THRB: variants seen among roughly 807,000 people sequenced by gnomAD.
THRB encodes nuclear receptor subfamily 1 group A member 2.
THRB carries 12 observed loss-of-function variants against 47.8 expected under a neutral mutation model. That is an observed-to-expected ratio of 0.25 (90% CI 0.16 to 0.41). The LOEUF (loss-of-function observed/expected upper bound fraction) is 0.41. Ranked by LOEUF, THRB falls within the 10% of genes least tolerant of loss-of-function variation. THRB has a pLI of 1.00. For synonymous variants in THRB, 218 were observed against 212.2 expected (o/e 1.03, Z -0.24); for missense variants, 348 against 589.2 (o/e 0.59, Z 4.24).
At chr3:24,427,344 T>C (rs1313255482) in intron 1 of THRB, among the ~76,000 whole-genome samples, 1 of 152,014 alleles carries the variant, frequency 6.6e-6, no homozygotes, top group Non-Finnish European at 1.5e-5. Context: ...TTCCTCTCTT[T>C]TTAACTGAAT....
chr3:24,173,172 A>T (rs888635618), intron 5 of THRB, among the ~76,000 whole-genome samples: 6 of 152,108 alleles, frequency 3.9e-5, no homozygotes, highest in African/African-American at 1.4e-4. Flanking sequence ...CCTCCAGGGG[A>T]TTCTGATACT....
At chr3:24,446,562 A>G (rs2072101135) in intron 1 of THRB, among the ~76,000 whole-genome samples, 1 of 36,054 alleles carries the variant, frequency 2.8e-5, no homozygotes, top group African/African-American at 6.2e-5. Context: ...ATCTTTCTCA[A>G]AAAAAAAAAA....
At position 24,147,523 on chromosome 3, in the gene THRB, C is replaced by T. The variant is rs56917191; in HGVS notation, c.385-701G>A. Among the ~76,000 whole-genome samples the T allele has an allele frequency of 3.3e-3, 502 of 152,316 alleles. 2 individuals carry two copies. Among genetic ancestry groups the T allele is most frequent in the African/African-American group, 0.011 (478 of 41,566 alleles). On this transcript the variant is annotated intron_variant, in intron 6 of 10. Transcript: ENST00000646209. Reference sequence around the variant, plus strand: ...TTTGGTATCTGTAGACATACACCTACAGGTTCAATGATTCTTCCTTTCTTA... The same window carrying T: ...TTTGGTATCTGTAGACATACACCTATAGGTTCAATGATTCTTCCTTTCTTA...
In THRB at chr3:24,127,605, A is replaced by C. The variant is rs772161412; in HGVS notation, c.1038T>G (p.Leu346=). 6.2e-7 allele frequency: 1 copy of C among 1,614,118 alleles called. No homozygotes were observed. The highest frequency in any genetic ancestry group is 1.1e-5 in the South Asian group (1 of 91,070). The change falls in exon 10 of 11, where the codon CTT becomes CTG. Residue 346 remains leucine, a synonymous_variant. Transcript: ENST00000646209. The part of the protein sequence containing the change: ...VTRGQLKNGG[L]GVVSDAIFDL... ...CAAAGATGGCGTCTGACACCACCCCAAGACCCCCATTTTTCAGCTGGCCCC... is the reference window on the plus strand; with the variant it reads ...CAAAGATGGCGTCTGACACCACCCCCAGACCCCCATTTTTCAGCTGGCCCC...
At chr3:24,162,291 G>C (rs1486819453) in intron 5 of THRB, among the ~76,000 whole-genome samples, 1 of 151,928 alleles carries the variant, frequency 6.6e-6, no homozygotes, top group African/African-American at 2.4e-5. Flanking sequence ...TCCTCCATCT[G>C]ATTCCAAACT....
At chr3:24,478,950 A>AG (rs1695920716) in intron 1 of THRB, among the ~76,000 whole-genome samples, 1 of 152,156 alleles carries the variant, frequency 6.6e-6, no homozygotes, top group African/African-American at 2.4e-5. Context: ...GGCAGGGGAT[A>AG]GGGGGAGCAG....
At chr3:24,153,594 C>T (rs1267592223) in intron 5 of THRB, among the ~76,000 whole-genome samples, 2 of 152,150 alleles carry the variant, frequency 1.3e-5, no homozygotes, top group African/African-American at 4.8e-5. Context: ...AGCACAAAAG[C>T]AGAAGCCTCC....
At chr3:24,361,828 C>T (rs1240080224) in intron 1 of THRB, among the ~76,000 whole-genome samples, 1 of 152,058 alleles carries the variant, frequency 6.6e-6, no homozygotes, top group African/African-American at 2.4e-5. Flanking sequence ...GTGAAATATA[C>T]CACATGTTGA....
At chr3:24,308,625 A>C (rs1405515390) in intron 2 of THRB, among the ~76,000 whole-genome samples, 1 of 152,202 alleles carries the variant, frequency 6.6e-6, no homozygotes, top group African/African-American at 2.4e-5. Context: ...GGTAGATTGC[A>C]ATCTTTGGTC....
chr3:24,326,754 G>GTTTTTT (rs1300726453), intron 2 of THRB, among the ~76,000 whole-genome samples: 2 of 58,966 alleles, frequency 3.4e-5, no homozygotes, highest in Admixed American at 2.3e-4. Context: ...GTCCAGTCTT[G>GTTTTTT]TCTTTTTTTT....
intron 4 of THRB, among the ~76,000 whole-genome samples, chr3:24,219,771 G>A (rs1052552000): frequency 3.3e-5 from 5 of 152,216 alleles, no homozygotes; most frequent in Non-Finnish European, 1.5e-5. Flanking sequence ...ATCACCTGGA[G>A]AGCTAATTAG....
At chr3:24,275,047 A>T (rs550133842) in intron 3 of THRB, among the ~76,000 whole-genome samples, 1 of 152,354 alleles carries the variant, frequency 6.6e-6, no homozygotes, top group South Asian at 2.1e-4. Flanking sequence ...CAAAGAAGCA[A>T]GTAAGCTTAG....
intron 4 of THRB, among the ~76,000 whole-genome samples, chr3:24,197,820 C>T (rs935602504): frequency 1.3e-5 from 2 of 152,224 alleles, no homozygotes; most frequent in Admixed American, 1.3e-4. Context: ...TGTAGCATAG[C>T]CTTAGACAAG....
intron 1 of THRB, among the ~76,000 whole-genome samples, chr3:24,341,591 C>T (rs2062658972): frequency 6.6e-6 from 1 of 152,080 alleles, no homozygotes; most frequent in Non-Finnish European, 1.5e-5. Flanking sequence ...CAATACTTTA[C>T]CCCTCCCTGC....
intron 1 of THRB, among the ~76,000 whole-genome samples, chr3:24,398,235 T>G (rs191296242): frequency 4.6e-5 from 7 of 151,866 alleles, no homozygotes; most frequent in Admixed American, 3.3e-4. Flanking sequence ...CCCCAAAAGA[T>G]CTAATTAAAC....
chr3:24,316,309 T>C (rs1240304896), intron 2 of THRB, among the ~76,000 whole-genome samples: 1 of 152,170 alleles, frequency 6.6e-6, no homozygotes, highest in Non-Finnish European at 1.5e-5. Flanking sequence ...CCAGTAACAT[T>C]TCATCATAAT....
At chr3:24,228,793 A>C (rs1392378302) in intron 4 of THRB, 145 bp downstream of exon 4, 2 of 729,676 alleles carry the variant, frequency 2.7e-6, no homozygotes, top group Non-Finnish European at 4.8e-6. Context: ...ATTTCTAGGG[A>C]GGTATTCACA....
At chr3:24,277,282 G>C (rs758046191) in intron 3 of THRB, among the ~76,000 whole-genome samples, 6 of 152,172 alleles carry the variant, frequency 3.9e-5, no homozygotes, top group Non-Finnish European at 8.8e-5. Context: ...AGTGGGTAGA[G>C]GCTAGGGATG....
intron 1 of THRB, among the ~76,000 whole-genome samples, chr3:24,438,484 C>T (rs1324470204): frequency 6.7e-6 from 1 of 148,790 alleles, no homozygotes; most frequent in East Asian, 2.0e-4. Flanking sequence ...TGTAGTAATG[C>T]CATTGTCAGA....
Sources: allele counts gnomAD v4.1 joint callset (sites outside exome capture counted in the v4.1 genomes callset), GRCh38; gene constraint gnomAD v4.1.1; transcripts MANE v1.5; gene names NCBI Gene and HGNC (gene_info 2026-07-23, HGNC 2026-07-21).